BCAS3: variants seen among roughly 807,000 people sequenced by gnomAD.
BCAS3 encodes BCAS4/BCAS3 fusion.
BCAS3 carries 53 observed loss-of-function variants against 116.1 expected under a neutral mutation model. The ratio of observed to expected loss-of-function variants is 0.46; its 90% confidence interval spans 0.37 to 0.57. The LOEUF is 0.57. Ranked by LOEUF, BCAS3 falls within the 20% of genes least tolerant of loss-of-function variation. BCAS3 has a pLI of 0.00. For synonymous variants in BCAS3, 391 were observed against 408.2 expected (o/e 0.96, Z 0.51); for missense variants, 917 against 1,165.4 (o/e 0.79, Z 3.10).
chr17:61,003,729 T>C (rs1352838208), intron 15 of BCAS3: 2 of 152,184 alleles, frequency 1.3e-5, no homozygotes, highest in Non-Finnish European at 2.9e-5. Context: ...TGATGGATCA[T>C]TGGCTGATTA....
At chr17:61,067,273 G>GTA (rs1199603635) in intron 19 of BCAS3, among the ~76,000 whole-genome samples, 5,922 of 58,478 alleles carry the variant, frequency 0.1, 237 homozygotes, top group Middle Eastern at 0.15. Flanking sequence ...GTGTGTATGT[G>GTA]TATATATATA....
At chr17:61,260,353 T>A (rs2049098716) in intron 22 of BCAS3, among the ~76,000 whole-genome samples, 1 of 152,182 alleles carries the variant, frequency 6.6e-6, no homozygotes. Context: ...ATTGAAACGC[T>A]TAAGTAAAAA....
chr17:60,858,597 T>C (rs1466867396), intron 7 of BCAS3, among the ~76,000 whole-genome samples: 1 of 152,214 alleles, frequency 6.6e-6, no homozygotes, highest in African/African-American at 2.4e-5. Flanking sequence ...AGGCTTTTTA[T>C]TATGGCTAAT....
Position 60,811,263 on chromosome 17 carries a change from C to A in BCAS3, c.476+3187C>A. The A allele has an allele frequency of 5.5e-6, 5 of 908,024 alleles. No homozygotes were observed. In the East Asian group the frequency reaches 8.4e-5, roughly 15 times the overall value. 56.2% of individuals were successfully genotyped at this position (908,024 alleles called of 1,614,324 possible). ...CAGCGCCAGGCCCAGGAGTAGGAGG[C>A]CCTGCTGAACATCAAGGTCAAGCTG... On this transcript the variant is annotated intron_variant, in intron 7 of 23. Coordinates refer to ENST00000407086, the MANE Select transcript of BCAS3 (RefSeq NM_017679.5).
chr17:60,891,823 T>G, intron 10 of BCAS3: 1 of 445,644 alleles, frequency 2.2e-6, no homozygotes, highest in South Asian at 1.6e-5. Flanking sequence ...CCTTTTGGAG[T>G]CCCCACTGCC....
At chr17:61,297,226 G>A (rs958414722) in intron 22 of BCAS3, among the ~76,000 whole-genome samples, 24 of 152,198 alleles carry the variant, frequency 1.6e-4, no homozygotes, top group African/African-American at 5.8e-4. Context: ...AGTCTAAGAT[G>A]CCACTCAAAT....
intron 15 of BCAS3, among the ~76,000 whole-genome samples, chr17:60,998,528 A>G (rs2063998293): frequency 6.6e-6 from 1 of 152,066 alleles, no homozygotes; most frequent in Non-Finnish European, 1.5e-5. Flanking sequence ...TTGACTTTTT[A>G]CTAATAGCCA....
intron 6 of BCAS3, among the ~76,000 whole-genome samples, chr17:60,751,328 A>G (rs1489426202): frequency 3.9e-5 from 6 of 152,344 alleles, no homozygotes; most frequent in African/African-American, 1.4e-4. Flanking sequence ...TATCTCAGAT[A>G]AAAACTGTTA....
rs1349826022 is a variant in BCAS3, at chr17:61,126,556, A to C, written c.2425+41992A>C. On this transcript the variant is annotated intron_variant, in intron 22 of 23. Transcript: ENST00000407086. The surrounding 1 kb of genome is among the most constrained non-coding windows in gnomAD (Gnocchi z 4.6). ...CTGTTTTATAAAGATGTGTTTATATAGTCATTGGGTGAAAGATTGCAGAAG... is the reference window on the plus strand; with the variant it reads ...CTGTTTTATAAAGATGTGTTTATATCGTCATTGGGTGAAAGATTGCAGAAG... Among the ~76,000 whole-genome samples, 1 of 152,208 alleles carries C rather than the reference A, an allele frequency of 6.6e-6. No individual in the cohort carries two copies. The highest frequency in any genetic ancestry group is 1.9e-4 in the East Asian group (1 of 5,206).
At chr17:60,734,860 A>T (rs923380877) in intron 5 of BCAS3, among the ~76,000 whole-genome samples, 2 of 152,338 alleles carry the variant, frequency 1.3e-5, no homozygotes, top group East Asian at 3.9e-4. Flanking sequence ...TAGCTACAGA[A>T]TAACTTGCTT....
chr17:60,811,401 C>A, intron 7 of BCAS3: 1 of 618,898 alleles, frequency 1.6e-6, no homozygotes. Context: ...ACCACCTCTC[C>A]CAGGATAGTG....
chr17:60,781,715 AT>A (rs1281263176), intron 6 of BCAS3, among the ~76,000 whole-genome samples: 1 of 152,128 alleles, frequency 6.6e-6, no homozygotes, highest in Non-Finnish European at 1.5e-5. Flanking sequence ...CTTAAAACAA[AT>A]TTTAAAAGAC....
intron 6 of BCAS3, among the ~76,000 whole-genome samples, chr17:60,757,394 A>ATGTGTGTGTGTGTGTG (rs61645091): frequency 3.2e-4 from 44 of 136,676 alleles, no homozygotes; most frequent in South Asian, 1.2e-3. Flanking sequence ...CAGCATGTAT[A>ATGTGTGTGTGTGTGTG]TGTGTGTGTG....
At chr17:60,703,839 G>A (rs1329107657) in intron 4 of BCAS3, among the ~76,000 whole-genome samples, 3 of 150,996 alleles carry the variant, frequency 2.0e-5, no homozygotes, top group African/African-American at 4.9e-5. Flanking sequence ...GCGTGAACCC[G>A]AGAGGCGGAG....
At chr17:61,059,063 CTTTTTTTTTTTTTTTTTTTTTTTTTT>C (rs869090870) in intron 19 of BCAS3, among the ~76,000 whole-genome samples, 1 of 32,780 alleles carries the variant, frequency 3.1e-5, no homozygotes, top group African/African-American at 9.8e-5. Flanking sequence ...TTCTCCCCAT[CTTTTTTTTTTTTTTTTTTTTTTTTTT>C]TTTTTTTTTT....
At chr17:60,853,089 G>A (rs1363398376) in intron 7 of BCAS3, among the ~76,000 whole-genome samples, 1 of 152,192 alleles carries the variant, frequency 6.6e-6, no homozygotes, top group Non-Finnish European at 1.5e-5. Context: ...TACATCCTGT[G>A]AGTGGAATGT....
chr17:60,771,666 A>G (rs996014155), intron 6 of BCAS3, among the ~76,000 whole-genome samples: 8 of 152,044 alleles, frequency 5.3e-5, no homozygotes, highest in African/African-American at 1.9e-4. Context: ...CTCGTCATTT[A>G]CATTAGGTAT....
At chr17:61,049,066 A>G (rs1003174047) in intron 19 of BCAS3, among the ~76,000 whole-genome samples, 1 of 152,016 alleles carries the variant, frequency 6.6e-6, no homozygotes, top group Non-Finnish European at 1.5e-5. Flanking sequence ...TGGGATGCCA[A>G]AGTGGAAGGA....
At chr17:61,148,339 A>G (rs972282412) in intron 22 of BCAS3, among the ~76,000 whole-genome samples, 7 of 152,200 alleles carry the variant, frequency 4.6e-5, no homozygotes, top group African/African-American at 1.2e-4. Flanking sequence ...AGTACTTACT[A>G]TGTACCAACC....
Sources: allele counts gnomAD v4.1 joint callset (sites outside exome capture counted in the v4.1 genomes callset), GRCh38; gene constraint gnomAD v4.1.1; non-coding constraint Gnocchi (gnomAD v3.1); transcripts MANE v1.5; gene names NCBI Gene and HGNC (gene_info 2026-07-23, HGNC 2026-07-21).